The following COX7B2 variants were observed in gnomAD, a reference collection of about 807,000 sequenced individuals.
The protein encoded by COX7B2 is cytochrome c oxidase subunit 7B2.
For synonymous variants in COX7B2, 37 were observed against 32.1 expected, an observed-to-expected ratio of 1.15 and a Z score of -0.51; for missense variants, 109 against 95.9, an observed-to-expected ratio of 1.14 and a Z score of -0.57.
chr4:46,741,731 G>A (rs1412975335), intron 2 of COX7B2, among the ~76,000 whole-genome samples: 1 of 152,002 alleles, frequency 6.6e-6, no homozygotes, highest in African/African-American at 2.4e-5. Context: ...AAATAAAAAA[G>A]TTGAACTAAT....
At chr4:46,877,994 T>A (rs960427461) in intron 1 of COX7B2, among the ~76,000 whole-genome samples, 2 of 150,744 alleles carry the variant, frequency 1.3e-5, no homozygotes, top group African/African-American at 4.9e-5. Flanking sequence ...CACCAATGGA[T>A]GAATGAATAA....
chr4:46,763,821 A>G (rs1198747930), intron 2 of COX7B2, among the ~76,000 whole-genome samples: 1 of 152,240 alleles, frequency 6.6e-6, no homozygotes, highest in African/African-American at 2.4e-5. Flanking sequence ...GCATGCACAT[A>G]CACACATACT....
At chr4:46,896,648 A>G (rs1719779115) in intron 1 of COX7B2, among the ~76,000 whole-genome samples, 1 of 151,996 alleles carries the variant, frequency 6.6e-6, no homozygotes, top group Non-Finnish European at 1.5e-5. Context: ...CAAAAAAGAA[A>G]AAAAAAAGGA....
rs776374967 is a variant in COX7B2 at position 46,754,724 on chromosome 4, G to GTCTA, written c.-49-19484_-49-19483insTAGA. On this transcript the variant is annotated intron_variant, in intron 2 of 2. Transcript: ENST00000355591. ...TGTGTGTGTGTGTGTGTGTGTGTGT[G>GTCTA]TGTGTATATATATATATATATATAT... Among the ~76,000 whole-genome samples, 2 of 46,814 alleles carry GTCTA rather than the reference G, an allele frequency of 4.3e-5. 1 individual carries two copies. The highest frequency in any genetic ancestry group is 7.1e-4 in the Admixed American group (2 of 2,834). The allele number at this position is 46,814 out of a possible 152,430, so 30.7% of individuals were successfully genotyped here. A position where few individuals can be genotyped will look rare whatever the true frequency, so the allele number is the denominator to read the frequency against.
chr4:46,828,436 G>A (rs1714840354), intron 2 of COX7B2, among the ~76,000 whole-genome samples: 1 of 152,098 alleles, frequency 6.6e-6, no homozygotes, highest in South Asian at 2.1e-4. Context: ...AGTATAATAG[G>A]GAAATTAAGC....
rs371310992 is a variant in COX7B2 at position 46,838,846 on chromosome 4, G to T, written c.-50+6114C>A. On this transcript the variant is annotated intron_variant, in intron 2 of 2. Coordinates refer to ENST00000355591, the MANE Select transcript of COX7B2 (RefSeq NM_130902.3). ...CCGAATGGCATTTGGCCCAACCATA[G>T]AAATTTTATTCCAGATTAATTTTAC... is the stretch of plus-strand genomic sequence containing the variant. Among the ~76,000 whole-genome samples the T allele has an allele frequency of 9.2e-5, 14 of 151,780 alleles. No individual in the cohort carries two copies. In the East Asian group the frequency reaches 1.7e-3, roughly 19 times the overall value.
At chr4:46,735,491 A>G (rs1169507177) in intron 2 of COX7B2, among the ~76,000 whole-genome samples, 1 of 152,212 alleles carries the variant, frequency 6.6e-6, no homozygotes, top group Non-Finnish European at 1.5e-5. Context: ...GTAAGCATGT[A>G]ATAAATGTTA....
intron 2 of COX7B2, among the ~76,000 whole-genome samples, chr4:46,801,489 A>G (rs10019489): frequency 6.6e-6 from 1 of 152,148 alleles, no homozygotes; most frequent in African/African-American, 2.4e-5. Flanking sequence ...AGAAAAACAA[A>G]TATCGCATGT....
At chr4:46,898,613 C>T (rs1272697817) in intron 1 of COX7B2, among the ~76,000 whole-genome samples, 7 of 151,832 alleles carry the variant, frequency 4.6e-5, no homozygotes, top group Non-Finnish European at 7.4e-5. Context: ...TTTGTAGAGG[C>T]GGGGTCTTGC....
intron 1 of COX7B2, among the ~76,000 whole-genome samples, chr4:46,875,626 C>A (rs1218602710): frequency 2.6e-5 from 4 of 152,210 alleles, no homozygotes; most frequent in Non-Finnish European, 5.9e-5. Context: ...ATACTCCCTA[C>A]ACTGACAGGT....
chr4:46,874,355 GAAGATAC>G (rs1718186674), intron 1 of COX7B2, among the ~76,000 whole-genome samples: 1 of 152,196 alleles, frequency 6.6e-6, no homozygotes, highest in Admixed American at 6.5e-5. Context: ...TAGTCGCAGT[GAAGATAC>G]AAGAGGTTCC....
chr4:46,840,404 A>T (rs1715852319), intron 2 of COX7B2, among the ~76,000 whole-genome samples: 2 of 152,018 alleles, frequency 1.3e-5, no homozygotes, highest in Admixed American at 1.3e-4. Flanking sequence ...TAGGAAAGAG[A>T]GGATATTATA....
At chr4:46,816,380 T>A (rs918249860) in intron 2 of COX7B2, among the ~76,000 whole-genome samples, 14 of 152,180 alleles carry the variant, frequency 9.2e-5, no homozygotes, top group African/African-American at 3.4e-4. Flanking sequence ...CTATCTCTAA[T>A]GGCCACTAAA....
chr4:46,787,438 A>G (rs1044396720), intron 2 of COX7B2, among the ~76,000 whole-genome samples: 3 of 151,536 alleles, frequency 2.0e-5, no homozygotes, highest in African/African-American at 7.3e-5. Context: ...CAAGAGTGAG[A>G]CTCTGTCTCA....
chr4:46,845,704 C>G (rs1044142057), intron 1 of COX7B2, among the ~76,000 whole-genome samples: 1 of 151,826 alleles, frequency 6.6e-6, no homozygotes, highest in Admixed American at 6.6e-5. Context: ...GAAGAAAAAA[C>G]CCTGGAGGGG....
intron 2 of COX7B2, among the ~76,000 whole-genome samples, chr4:46,781,346 A>G (rs893453005): frequency 6.6e-6 from 1 of 152,242 alleles, no homozygotes; most frequent in African/African-American, 2.4e-5. Flanking sequence ...CATAAATTCC[A>G]GTCATGGTTA....
intron 1 of COX7B2, among the ~76,000 whole-genome samples, chr4:46,868,672 C>T (rs1717815066): frequency 6.6e-6 from 1 of 152,090 alleles, no homozygotes; most frequent in African/African-American, 2.4e-5. Flanking sequence ...CACATAATTG[C>T]ATGGTTTTAA....
rs1317647199 is a variant in COX7B2, at chr4:46,828,442, T to G, written c.-50+16518A>C. ...ATGTTAGAAAGTATAATAGGGAAAT[T>G]AAGCTGCTGGGTTTTGCTGACGGAC... On this transcript the variant is annotated intron_variant, in intron 2 of 2. Transcript: ENST00000355591. Among the ~76,000 whole-genome samples the G allele has an allele frequency of 2.0e-5, 3 of 152,138 alleles. No homozygotes were observed. In the East Asian group the frequency reaches 5.8e-4, roughly 29 times the overall value.
chr4:46,895,774 C>T (rs189283644), intron 1 of COX7B2, among the ~76,000 whole-genome samples: 2 of 152,152 alleles, frequency 1.3e-5, no homozygotes, highest in African/African-American at 2.4e-5. Context: ...TAAGGCCCCC[C>T]CCAAATTGTA....
Sources: allele counts gnomAD v4.1 joint callset (sites outside exome capture counted in the v4.1 genomes callset), GRCh38; gene constraint gnomAD v4.1.1; transcripts MANE v1.5; gene names NCBI Gene and HGNC (gene_info 2026-07-23, HGNC 2026-07-21).